CLEC16A: variants seen among roughly 807,000 people sequenced by gnomAD.
The protein encoded by CLEC16A is protein CLEC16A.
Under a neutral mutation model 109.5 loss-of-function variants are expected in CLEC16A, and 51 were observed. The observed-to-expected ratio is 0.47, with a 90% confidence interval of 0.37 to 0.59. The LOEUF is 0.59. CLEC16A is among the 20% of genes least tolerant of loss of function. The probability of loss-of-function intolerance (pLI) is 0.00; values close to 1 mark genes in which losing one functional copy is unlikely to be tolerated. For missense variants in CLEC16A, 1,339 were observed against 1,394.0 expected (o/e 0.96, Z 0.63); for synonymous variants, 673 against 564.2 (o/e 1.19, Z -2.73).
At chr16:11,151,979 ATC>A (rs1028780225) in intron 22 of CLEC16A, among the ~76,000 whole-genome samples, 7 of 152,176 alleles carry the variant, frequency 4.6e-5, no homozygotes, top group African/African-American at 1.7e-4. Context: ...CAGCAAAGGA[ATC>A]TCTCAGAGAA....
chr16:11,004,120 ATCAT>A (rs1349005793), intron 11 of CLEC16A, among the ~76,000 whole-genome samples: 2 of 152,168 alleles, frequency 1.3e-5, no homozygotes, highest in African/African-American at 4.8e-5. Context: ...TGTAAGCAAA[ATCAT>A]TCATTCCTCC....
chr16:10,997,210 C>A (rs2044381882), intron 10 of CLEC16A, among the ~76,000 whole-genome samples: 1 of 152,232 alleles, frequency 6.6e-6, no homozygotes, highest in African/African-American at 2.4e-5. Context: ...GATCCTCCTG[C>A]CTTAGCCTCC....
At chr16:10,997,085 C>G (rs539086726) in intron 10 of CLEC16A, among the ~76,000 whole-genome samples, 462 of 152,298 alleles carry the variant, frequency 3.0e-3, no homozygotes, top group Middle Eastern at 0.01. Flanking sequence ...CCTCAGCCTC[C>G]CAAGTAGCTG....
chr16:11,017,591 C>T (rs1371378440), intron 11 of CLEC16A, among the ~76,000 whole-genome samples: 1 of 152,180 alleles, frequency 6.6e-6, no homozygotes, highest in Non-Finnish European at 1.5e-5. Context: ...GGAAAAGTGA[C>T]TTCACAGTGG....
chr16:10,963,206 G>A (rs1457282738), intron 3 of CLEC16A, among the ~76,000 whole-genome samples: 1 of 152,182 alleles, frequency 6.6e-6, no homozygotes, highest in Non-Finnish European at 1.5e-5. Flanking sequence ...GAGAGTGCTA[G>A]CTGGTGTCTC....
Position 11,092,401 on chromosome 16 carries a change from C to CACACACACAT in CLEC16A, c.2117-28213_2117-28212insCACACACATA, listed in dbSNP as rs1491089667. ...ACACACACACACACACACACACACACATGCCAGGTGTGGTGGTGGGAGCCT... is the reference window on the plus strand; with the variant it reads ...ACACACACACACACACACACACACACACACACACATATGCCAGGTGTGGTGGTGGGAGCCT... On this transcript the variant is annotated intron_variant, in intron 19 of 23. Transcript: ENST00000409790. 4.8e-5 allele frequency among the ~76,000 whole-genome samples: 7 copies of CACACACACAT among 144,460 alleles called. No homozygotes were observed. The East Asian group carries it at 6.1e-4, about 13-fold the overall frequency. The allele number at this position is 144,460 out of a possible 152,430, so 94.8% of individuals were successfully genotyped here.
chr16:11,148,634 C>G (rs1364712243), intron 22 of CLEC16A, among the ~76,000 whole-genome samples: 3 of 152,190 alleles, frequency 2.0e-5, no homozygotes, highest in African/African-American at 7.2e-5. Context: ...GCCACCAAAG[C>G]CCACCATCTT....
chr16:11,166,636 G>A lies in CLEC16A; in HGVS notation c.2806+84G>A, dbSNP rs2068276376. 3.7e-6 allele frequency: 5 copies of A among 1,346,524 alleles called. No individual in the cohort carries two copies. In the Middle Eastern group the frequency reaches 7.1e-4, roughly 191 times the overall value. 83.4% of individuals were successfully genotyped at this position (1,346,524 alleles called of 1,614,324 possible). On this transcript the variant is annotated intron_variant, in intron 23 of 23. Coordinates refer to ENST00000409790, the MANE Select transcript of CLEC16A (RefSeq NM_015226.3). ...CATTACCAAAACCCCTGACCTCCAG[G>A]TCCTCCTTGTCACAGCACTTGAAGG...
At chr16:11,004,768 C>T (rs749140570) in intron 11 of CLEC16A, among the ~76,000 whole-genome samples, 25 of 152,104 alleles carry the variant, frequency 1.6e-4, no homozygotes, top group African/African-American at 3.6e-4. Context: ...CTGGTGCCAC[C>T]GAGACCTCTT....
intron 22 of CLEC16A, among the ~76,000 whole-genome samples, chr16:11,146,334 T>G (rs201365976): frequency 6.6e-6 from 1 of 152,218 alleles, no homozygotes; most frequent in East Asian, 1.9e-4. Flanking sequence ...GTGTTTTGTT[T>G]ACAGCTGAAT....
chr16:11,008,989 ACT>A (rs962814063), intron 11 of CLEC16A, among the ~76,000 whole-genome samples: 2 of 152,082 alleles, frequency 1.3e-5, no homozygotes, highest in South Asian at 4.2e-4. Flanking sequence ...GCAGAGCGAG[ACT>A]CTGTCTCAAA....
At chr16:11,092,395 CA>C (rs2050361436) in intron 19 of CLEC16A, among the ~76,000 whole-genome samples, 1 of 149,182 alleles carries the variant, frequency 6.7e-6, no homozygotes, top group Non-Finnish European at 1.5e-5. Context: ...CACACACACA[CA>C]CACACATGCC....
At chr16:11,098,896 C>T (rs776295242) in intron 19 of CLEC16A, among the ~76,000 whole-genome samples, 29 of 152,236 alleles carry the variant, frequency 1.9e-4, no homozygotes, top group Non-Finnish European at 3.5e-4. Context: ...AGACCCTGCT[C>T]ATCCTCAGAG....
Position 11,178,984 on chromosome 16 carries a change from G to T in CLEC16A, c.*294G>T. ...CCTGGGCTCCGTGTCTCTGAGCCCC[G>T]GGTGGCAGGACCCACCGGCACCTCT... On this transcript the variant is annotated 3_prime_UTR_variant, in exon 24 of 24. Coordinates refer to ENST00000409790, the MANE Select transcript of CLEC16A (RefSeq NM_015226.3). This position sits in a 1 kb window ranked among gnomAD's most constrained non-coding sequence, Gnocchi z 6.5. 2.7e-6 allele frequency: 1 copy of T among 366,858 alleles called. No homozygotes were observed. The allele number at this position is 366,858 out of a possible 1,614,324, so 22.7% of individuals were successfully genotyped here.
intron 11 of CLEC16A, among the ~76,000 whole-genome samples, chr16:11,016,978 G>C (rs371595645): frequency 3.0e-4 from 40 of 134,852 alleles, no homozygotes; most frequent in African/African-American, 1.1e-3. Context: ...ACATAGGGCC[G>C]GGGCCCATGT....
intron 11 of CLEC16A, among the ~76,000 whole-genome samples, chr16:11,009,007 T>TA (rs1268183578): frequency 3.3e-5 from 5 of 151,820 alleles, no homozygotes; most frequent in Non-Finnish European, 7.4e-5. Flanking sequence ...TCAAAAAAAA[T>TA]AAAAAAGTAC....
At chr16:11,177,138 G>A (rs1158992809) in intron 23 of CLEC16A, among the ~76,000 whole-genome samples, 2 of 152,204 alleles carry the variant, frequency 1.3e-5, no homozygotes, top group South Asian at 2.1e-4. Context: ...CTGTGCAAAT[G>A]AGAATTTGCC....
At position 11,104,459 on chromosome 16, in the gene CLEC16A, A is replaced by G. The variant is rs148342269; in HGVS notation, c.2117-16156A>G. On this transcript the variant is annotated intron_variant, in intron 19 of 23. Coordinates refer to ENST00000409790, the MANE Select transcript of CLEC16A (RefSeq NM_015226.3). ...GAGGTTTTAACATATTCTCTAGACTATGTCCTCTGCCTGGGGACCTCACCC... is the reference window on the plus strand; with the variant it reads ...GAGGTTTTAACATATTCTCTAGACTGTGTCCTCTGCCTGGGGACCTCACCC... Among the ~76,000 whole-genome samples, 1,246 of 152,240 alleles carry G rather than the reference A, an allele frequency of 8.2e-3. 19 individuals are homozygous for G. Among genetic ancestry groups the G allele is most frequent in the African/African-American group, 0.029 (1,186 of 41,520 alleles).
At chr16:11,072,252 T>TG (rs1236818779) in intron 19 of CLEC16A, among the ~76,000 whole-genome samples, 1 of 151,972 alleles carries the variant, frequency 6.6e-6, no homozygotes, top group Non-Finnish European at 1.5e-5. Flanking sequence ...CTGTAGTATC[T>TG]GGGACTACTG....
Sources: allele counts gnomAD v4.1 joint callset (sites outside exome capture counted in the v4.1 genomes callset), GRCh38; gene constraint gnomAD v4.1.1; non-coding constraint Gnocchi (gnomAD v3.1); transcripts MANE v1.5; gene names NCBI Gene and HGNC (gene_info 2026-07-23, HGNC 2026-07-21).